The following DNER variants were observed in gnomAD, a reference collection of about 807,000 sequenced individuals.
DNER encodes delta/notch like EGF repeat containing.
In DNER, 33 loss-of-function variants were observed where a neutral mutation model predicts 78.2. The ratio of observed to expected loss-of-function variants is 0.42; its 90% CI spans 0.32 to 0.56. The LOEUF is 0.56. Among genes scored for constraint, DNER ranks in the 20% least tolerant of loss-of-function variants. DNER has a pLI of 0.11. For synonymous variants in DNER, 417 were observed against 384.8 expected (o/e 1.08, Z -0.98); for missense variants, 918 against 975.3 (o/e 0.94, Z 0.78).
intron 1 of DNER, among the ~76,000 whole-genome samples, chr2:229,625,354 C>T (rs1698319917): frequency 1.3e-5 from 2 of 152,120 alleles, no homozygotes. Context: ...ACCTGCTTCC[C>T]GATTCCACTC....
intron 1 of DNER, among the ~76,000 whole-genome samples, chr2:229,638,013 A>T (rs892767749): frequency 1.3e-5 from 2 of 152,238 alleles, no homozygotes; most frequent in Admixed American, 1.3e-4. Context: ...TGAATTCATT[A>T]TCTGTGTTCT....
chr2:229,471,951 C>T (rs1028326481), intron 7 of DNER, among the ~76,000 whole-genome samples: 2 of 152,196 alleles, frequency 1.3e-5, no homozygotes, highest in African/African-American at 4.8e-5. Flanking sequence ...AATCTACTGA[C>T]CTCCAGGCCA....
At position 229,493,705 on chromosome 2, in the gene DNER, T is replaced by C. The variant is rs139283771; in HGVS notation, c.1148-16452A>G. Among the ~76,000 whole-genome samples the C allele has an allele frequency of 4.5e-4, 68 of 152,332 alleles. 1 individual carries two copies. The highest frequency in any genetic ancestry group is 1.9e-3 in the South Asian group (9 of 4,828). On this transcript the variant is annotated intron_variant, in intron 6 of 12. Coordinates refer to ENST00000341772, the MANE Select transcript of DNER (RefSeq NM_139072.4). ...AAGTCCTTATTGAGCACCTGCTTTG[T>C]GTCAGGCTCCAGGCTAGGTACTGGG...
At position 229,591,508 on chromosome 2, in the gene DNER, A is replaced by G. The variant is rs1266206402; in HGVS notation, c.585+72T>C. On this transcript the variant is annotated intron_variant, in intron 2 of 12. Transcript: ENST00000341772. The surrounding 1 kb of genome is among the most constrained non-coding windows in gnomAD (Gnocchi z 4.6). ...AATGCTTTCATTTTTAATTGCTGATACTAGAACCGCTGGAGTCACTTTAAG... is the reference window on the plus strand; with the variant it reads ...AATGCTTTCATTTTTAATTGCTGATGCTAGAACCGCTGGAGTCACTTTAAG... The G allele has an allele frequency of 1.3e-6, 2 of 1,496,610 alleles. No individual in the cohort carries two copies. The highest frequency in any genetic ancestry group is 1.4e-5 in the African/African-American group (1 of 71,644). 92.7% of individuals were successfully genotyped at this position (1,496,610 alleles called of 1,614,324 possible). A position where few individuals can be genotyped will look rare whatever the true frequency, so the allele number is the denominator to read the frequency against.
chr2:229,407,211 T>G (rs924223998), intron 10 of DNER, 21 bp downstream of exon 10: 2 of 1,588,662 alleles, frequency 1.3e-6, no homozygotes, highest in African/African-American at 2.7e-5. Flanking sequence ...ATTTGAAAAC[T>G]CAGTCCCTGG....
intron 1 of DNER, among the ~76,000 whole-genome samples, chr2:229,638,554 G>A (rs1698565099): frequency 6.6e-6 from 1 of 152,172 alleles, no homozygotes; most frequent in Admixed American, 6.5e-5. Flanking sequence ...TGCACATTTT[G>A]ACATGCAGTG....
chr2:229,620,126 C>T (rs1344161587), intron 1 of DNER, among the ~76,000 whole-genome samples: 1 of 152,196 alleles, frequency 6.6e-6, no homozygotes, highest in Non-Finnish European at 1.5e-5. Flanking sequence ...CTCGGATGGG[C>T]ACCCTCTCAG....
chr2:229,481,741 G>A (rs1376204484), intron 6 of DNER, among the ~76,000 whole-genome samples: 6 of 152,138 alleles, frequency 3.9e-5, no homozygotes, highest in Non-Finnish European at 8.8e-5. Flanking sequence ...TACCAACTAT[G>A]ACTAATATTT....
chr2:229,595,634 T>A (rs1262876999), intron 1 of DNER, among the ~76,000 whole-genome samples: 1 of 152,094 alleles, frequency 6.6e-6, no homozygotes, highest in Non-Finnish European at 1.5e-5. Context: ...TGCCCTAGTC[T>A]CCCTGACCTC....
chr2:229,669,010 C>T (rs1218831685), intron 1 of DNER, among the ~76,000 whole-genome samples: 2 of 152,002 alleles, frequency 1.3e-5, no homozygotes, highest in African/African-American at 2.4e-5. Flanking sequence ...GAAAATGTTG[C>T]ACATATACAC....
At chr2:229,562,609 T>C (rs1574903887) in intron 4 of DNER, among the ~76,000 whole-genome samples, 1 of 152,104 alleles carries the variant, frequency 6.6e-6, no homozygotes, top group Admixed American at 6.5e-5. Flanking sequence ...TTAAATGAGA[T>C]ACCAGGCTCC....
chr2:229,455,710 G>A (rs554687469), intron 7 of DNER, among the ~76,000 whole-genome samples: 8 of 152,220 alleles, frequency 5.3e-5, no homozygotes, highest in African/African-American at 1.9e-4. Flanking sequence ...GAACATCTCT[G>A]TACAGGCTCG....
intron 11 of DNER, among the ~76,000 whole-genome samples, chr2:229,368,047 T>C (rs1263607490): frequency 6.6e-6 from 1 of 152,190 alleles, no homozygotes; most frequent in Admixed American, 6.5e-5. Context: ...TTAGATTTTT[T>C]TTCAGATAGT....
At chr2:229,479,818 T>G (rs1695117857) in intron 6 of DNER, among the ~76,000 whole-genome samples, 1 of 152,214 alleles carries the variant, frequency 6.6e-6, no homozygotes, top group South Asian at 2.1e-4. Flanking sequence ...CAAGAATTAT[T>G]TTTTCAAATC....
At position 229,367,147 on chromosome 2, in the gene DNER, G is replaced by C. The variant is rs777629340; in HGVS notation, c.1856-28C>G. The C allele has an allele frequency of 4.3e-6, 7 of 1,613,044 alleles. No homozygotes were observed. The South Asian group carries it at 5.5e-5, about 13-fold the overall frequency. On this transcript the variant is annotated intron_variant, in intron 11 of 12. Coordinates refer to ENST00000341772, the MANE Select transcript of DNER (RefSeq NM_139072.4). ...GCAGGCAAAAATAAGCAAATGGCTG[G>C]GTATGAGTTGTCACCTTTGAGAATG... is the stretch of plus-strand genomic sequence containing the variant.
intron 5 of DNER, among the ~76,000 whole-genome samples, chr2:229,523,487 T>C (rs1215594458): frequency 6.6e-6 from 1 of 152,212 alleles, no homozygotes; most frequent in African/African-American, 2.4e-5. Flanking sequence ...TGTGTTTGTC[T>C]ATGTCCCAAT....
chr2:229,413,166 TAGAC>T (rs1307929273), intron 9 of DNER, among the ~76,000 whole-genome samples: 2 of 152,080 alleles, frequency 1.3e-5, no homozygotes, highest in Non-Finnish European at 2.9e-5. Context: ...ATTATTATTA[TAGAC>T]AATGGTTTCT....
intron 8 of DNER, among the ~76,000 whole-genome samples, chr2:229,441,913 G>C (rs567128510): frequency 6.6e-6 from 1 of 152,286 alleles, no homozygotes; most frequent in East Asian, 1.9e-4. Flanking sequence ...ATCAGCGGCT[G>C]CTCTTCTTTT....
chr2:229,478,162 A>G (rs1695076604), intron 6 of DNER, among the ~76,000 whole-genome samples: 1 of 152,244 alleles, frequency 6.6e-6, no homozygotes, highest in Non-Finnish European at 1.5e-5. Context: ...TGACAGGACC[A>G]TCAATACTGT....
Sources: gnomAD v4.1 joint callset for allele counts (sites outside exome capture counted in the v4.1 genomes callset) on GRCh38, gnomAD v4.1.1 for gene constraint, Gnocchi (gnomAD v3.1) non-coding constraint, MANE v1.5 for transcripts, NCBI Gene and HGNC (gene_info 2026-07-23, HGNC 2026-07-21) for gene names.